CELF2: variants seen among roughly 807,000 people sequenced by gnomAD.
The protein encoded by CELF2 is CUGBP Elav-like family member 2.
CELF2 carries 8 observed loss-of-function variants against 62.6 expected under a neutral mutation model. That is an observed-to-expected ratio of 0.13 (90% CI 0.07 to 0.23). CELF2 has a LOEUF of 0.23. Among genes scored for constraint, CELF2 ranks in the 10% least tolerant of loss-of-function variants. The probability of loss-of-function intolerance (pLI) is 1.00; values close to 1 mark genes in which losing one functional copy is unlikely to be tolerated. For missense variants in CELF2, 333 were observed against 671.0 expected (o/e 0.50, Z 5.56); for synonymous variants, 258 against 250.0 (o/e 1.03, Z -0.30).
the CELF2 span, among the ~76,000 whole-genome samples, chr10:10,667,135 G>T: frequency 1.9e-4 from 29 of 152,284 alleles, no homozygotes; most frequent in African/African-American, 6.7e-4. Context: ...AGATGTCAGG[G>T]CTGAAAGGCA....
the CELF2 span, among the ~76,000 whole-genome samples, chr10:10,776,937 C>T: frequency 1.2e-4 from 18 of 152,240 alleles, no homozygotes; most frequent in Admixed American, 1.2e-3. Flanking sequence ...TCTGCATTCT[C>T]TTCACGTCTT....
chr10:10,991,305 A>G (rs2053413716), intron 2 of CELF2, among the ~76,000 whole-genome samples: 1 of 152,148 alleles, frequency 6.6e-6, no homozygotes. Context: ...CAGCTAATGA[A>G]TTTGGCATCC....
the CELF2 span, among the ~76,000 whole-genome samples, chr10:10,622,939 C>T: frequency 2.0e-5 from 3 of 151,436 alleles, no homozygotes; most frequent in Non-Finnish European, 2.9e-5. Context: ...AAAACGTAGC[C>T]GGGCGTGGTG....
At chr10:10,560,678 A>C in the CELF2 span, among the ~76,000 whole-genome samples, 1 of 151,852 alleles carries the variant, frequency 6.6e-6, no homozygotes, top group African/African-American at 2.4e-5. Flanking sequence ...GTATCTACCC[A>C]GAGGGGAAAA....
chr10:11,147,883 C>T (rs1406238254), intron 1 of CELF2, among the ~76,000 whole-genome samples: 5 of 152,216 alleles, frequency 3.3e-5, no homozygotes, highest in African/African-American at 1.2e-4. Context: ...CGCCTGGGCT[C>T]ACACACAAGG....
At chr10:10,645,717 G>T in the CELF2 span, among the ~76,000 whole-genome samples, 1 of 152,190 alleles carries the variant, frequency 6.6e-6, no homozygotes, top group Non-Finnish European at 1.5e-5. Context: ...AGTGCAGGGA[G>T]AGTGTCCTGT....
At chr10:11,099,645 G>C (rs1705465832) in intron 1 of CELF2, among the ~76,000 whole-genome samples, 1 of 152,054 alleles carries the variant, frequency 6.6e-6, no homozygotes, top group South Asian at 2.1e-4. Flanking sequence ...TTTGTAGTCG[G>C]TGCTACTCAT....
intron 1 of CELF2, among the ~76,000 whole-genome samples, chr10:11,070,797 G>GT (rs2069697110): frequency 6.6e-6 from 1 of 152,104 alleles, no homozygotes; most frequent in Non-Finnish European, 1.5e-5. Context: ...TTCGGGGAAG[G>GT]GTGCATAGCA....
At chr10:11,062,602 G>C (rs1437189676) in intron 1 of CELF2, among the ~76,000 whole-genome samples, 1 of 152,204 alleles carries the variant, frequency 6.6e-6, no homozygotes, top group East Asian at 1.9e-4. Flanking sequence ...GGAGCGTGGA[G>C]ATGGGACTGA....
rs1262082820 is a variant in CELF2 at position 10,995,108 on chromosome 10, G to A, written c.89+75109G>A. Among the ~76,000 whole-genome samples the A allele has an allele frequency of 6.6e-6, 1 of 152,178 alleles. No individual in the cohort carries two copies. The highest frequency in any genetic ancestry group is 6.5e-5 in the Admixed American group (1 of 15,276). ...TATTCTTTGTTTCCCAAATTAAGCT[G>A]TGTCTTTCTAACTTGGTTATAAGTT... On this transcript the variant is annotated intron_variant, in intron 2 of 13. Coordinates refer to the CELF2 transcript ENST00000636488. This position sits in a 1 kb window ranked among gnomAD's most constrained non-coding sequence, Gnocchi z 4.7.
At chr10:10,649,192 C>CA in the CELF2 span, among the ~76,000 whole-genome samples, 3 of 152,084 alleles carry the variant, frequency 2.0e-5, no homozygotes, top group African/African-American at 7.2e-5. Flanking sequence ...TCTTCATAGC[C>CA]AAAAATGGTA....
intron 8 of CELF2, among the ~76,000 whole-genome samples, chr10:11,277,034 A>G (rs761569706): frequency 6.6e-6 from 1 of 152,354 alleles, no homozygotes; most frequent in South Asian, 2.1e-4. Context: ...CAAATGCTGG[A>G]CAGGCCATTC....
chr10:10,577,368 TTATTATTA>T, the CELF2 span, among the ~76,000 whole-genome samples: 1 of 145,304 alleles, frequency 6.9e-6, no homozygotes, highest in African/African-American at 2.5e-5. Context: ...AATCTTTTTA[TTATTATTA>T]TTATTATTAT....
chr10:10,825,534 A>G (rs755578501), intron 1 of CELF2, among the ~76,000 whole-genome samples: 103 of 152,198 alleles, frequency 6.8e-4, no homozygotes, highest in Non-Finnish European at 1.2e-3. Flanking sequence ...TAAGTGTCCA[A>G]TGGTGATAGC....
At chr10:10,895,979 C>T (rs1343786312) in intron 1 of CELF2, among the ~76,000 whole-genome samples, 1 of 152,028 alleles carries the variant, frequency 6.6e-6, no homozygotes, top group Non-Finnish European at 1.5e-5. Context: ...GCTGAGAGTC[C>T]AAGAAGACTA....
At chr10:10,658,560 A>C in the CELF2 span, among the ~76,000 whole-genome samples, 6 of 152,196 alleles carry the variant, frequency 3.9e-5, no homozygotes, top group African/African-American at 1.4e-4. Context: ...GGAAACCAAA[A>C]TCTTGGCCAA....
chr10:11,294,587 T>C (rs766885063), intron 9 of CELF2, among the ~76,000 whole-genome samples: 1 of 152,158 alleles, frequency 6.6e-6, no homozygotes, highest in Non-Finnish European at 1.5e-5. Flanking sequence ...GTCAAGCCAG[T>C]TGGTAAAATG....
chr10:11,025,197 A>G (rs2058947854), intron 1 of CELF2, among the ~76,000 whole-genome samples: 1 of 146,998 alleles, frequency 6.8e-6, no homozygotes, highest in African/African-American at 2.6e-5. Flanking sequence ...GTGTGGGGGT[A>G]TATACATATA....
chr10:10,690,423 C>T, the CELF2 span, among the ~76,000 whole-genome samples: 1 of 152,108 alleles, frequency 6.6e-6, no homozygotes, highest in South Asian at 2.1e-4. Context: ...TGTGTGTATG[C>T]ACACACATAG....
Sources: allele counts gnomAD v4.1 joint callset (sites outside exome capture counted in the v4.1 genomes callset), GRCh38; gene constraint gnomAD v4.1.1; non-coding constraint Gnocchi (gnomAD v3.1); transcripts MANE v1.5; gene names NCBI Gene and HGNC (gene_info 2026-07-23, HGNC 2026-07-21).